Variants in KLRG1 observed in about 807,000 individuals in gnomAD.
KLRG1 encodes killer cell lectin-like receptor subfamily G member 1.
In KLRG1, 16 loss-of-function variants were observed where a neutral mutation model predicts 21.8. The observed-to-expected ratio is 0.73, with a 90% CI of 0.50 to 1.11. The LOEUF (loss-of-function observed/expected upper bound fraction) is 1.11. Ranked by LOEUF, KLRG1 falls within the 50% of genes most tolerant of loss-of-function variation. The pLI is 0.00. For synonymous variants in KLRG1, 69 were observed against 75.9 expected (o/e 0.91, Z 0.47); for missense variants, 173 against 218.3 (o/e 0.79, Z 1.31).
the KLRG1 span, among the ~76,000 whole-genome samples, chr12:9,207,022 G>C: frequency 6.6e-6 from 1 of 152,142 alleles, no homozygotes; most frequent in Non-Finnish European, 1.5e-5. Context: ...GATAGTGGGG[G>C]AGAAATGTAC....
At chr12:9,163,669 T>G in the KLRG1 span, 1 of 1,612,948 alleles carries the variant, frequency 6.2e-7, no homozygotes, top group Non-Finnish European at 8.5e-7. Context: ...ATATGTTACC[T>G]CCACCAACAG....
the KLRG1 span, among the ~76,000 whole-genome samples, chr12:9,090,974 T>A: frequency 6.6e-6 from 1 of 152,204 alleles, no homozygotes; most frequent in Non-Finnish European, 1.5e-5. Context: ...GTCACCCCTG[T>A]CAGAATTCTT....
At chr12:9,063,050 A>T in the KLRG1 span, among the ~76,000 whole-genome samples, 1 of 151,974 alleles carries the variant, frequency 6.6e-6, no homozygotes, top group Non-Finnish European at 1.5e-5. Context: ...ACTAAATAAG[A>T]CCTTTTTTTC....
chr12:9,089,892 G>A, the KLRG1 span: 10 of 1,602,758 alleles, frequency 6.2e-6, no homozygotes, highest in Non-Finnish European at 8.5e-6. Flanking sequence ...TATTATTTAG[G>A]TTTACTTACT....
the KLRG1 span, among the ~76,000 whole-genome samples, chr12:9,198,715 T>C: frequency 6.6e-6 from 1 of 152,164 alleles, no homozygotes; most frequent in East Asian, 1.9e-4. Flanking sequence ...TGGACATTGG[T>C]TTTCTTTCCT....
chr12:9,186,508 C>G, the KLRG1 span, among the ~76,000 whole-genome samples: 1 of 151,906 alleles, frequency 6.6e-6, no homozygotes, highest in Non-Finnish European at 1.5e-5. Context: ...TTTAAGAGAC[C>G]CATCTCACAT....
At chr12:9,022,121 C>G in the KLRG1 span, among the ~76,000 whole-genome samples, 91 of 152,232 alleles carry the variant, frequency 6.0e-4, no homozygotes, top group African/African-American at 2.1e-3. Context: ...GTCTGGGCAA[C>G]ATAGCCAGAC....
At chr12:9,203,866 C>T in the KLRG1 span, 2 of 1,614,144 alleles carry the variant, frequency 1.2e-6, no homozygotes, top group Non-Finnish European at 1.7e-6. Context: ...CTTACAGTCA[C>T]TGTCTCATTC....
chr12:9,066,987 C>A, the KLRG1 span: 1 of 152,104 alleles, frequency 6.6e-6, no homozygotes, highest in Non-Finnish European at 1.5e-5. Flanking sequence ...ATACTTACTG[C>A]AAAGAAAATT....
At chr12:9,002,243 A>T (rs980211112) in intron 3 of KLRG1, among the ~76,000 whole-genome samples, 3 of 152,180 alleles carry the variant, frequency 2.0e-5, no homozygotes, top group African/African-American at 7.2e-5. Context: ...AATAACTTAC[A>T]TACATTCTGT....
At chr12:9,096,442 A>G in the KLRG1 span, among the ~76,000 whole-genome samples, 1 of 152,220 alleles carries the variant, frequency 6.6e-6, no homozygotes, top group Admixed American at 6.5e-5. Context: ...AGCAAAGTTA[A>G]TGGGTGCATG....
the KLRG1 span, among the ~76,000 whole-genome samples, chr12:9,129,427 T>A: frequency 6.6e-6 from 1 of 152,076 alleles, no homozygotes; most frequent in South Asian, 2.1e-4. Flanking sequence ...AAGTAATGTA[T>A]ACTTATTATA....
the KLRG1 span, chr12:9,077,655 C>A: frequency 3.7e-6 from 6 of 1,601,658 alleles, no homozygotes; most frequent in South Asian, 1.1e-5. Context: ...CTCATCCTTG[C>A]AGATATCATA....
chr12:9,178,976 T>C, the KLRG1 span, among the ~76,000 whole-genome samples: 1 of 152,210 alleles, frequency 6.6e-6, no homozygotes, highest in South Asian at 2.1e-4. Flanking sequence ...TATTACGAAT[T>C]TACCAACCAA....
the KLRG1 span, chr12:9,070,472 G>T: frequency 6.3e-7 from 1 of 1,582,034 alleles, no homozygotes; most frequent in Non-Finnish European, 8.7e-7. Context: ...GCAGTCTGGG[G>T]TTATGATAAA....
At chr12:9,059,585 AG>A in the KLRG1 span, among the ~76,000 whole-genome samples, 1 of 152,254 alleles carries the variant, frequency 6.6e-6, no homozygotes, top group Non-Finnish European at 1.5e-5. Flanking sequence ...GATATAAGAA[AG>A]AAAAATAAGC....
chr12:9,205,618 A>G, the KLRG1 span, among the ~76,000 whole-genome samples: 287 of 152,318 alleles, frequency 1.9e-3, no homozygotes, highest in Middle Eastern at 0.031. Flanking sequence ...TCAAAGCTTT[A>G]ATGATTCAGT....
the KLRG1 span, among the ~76,000 whole-genome samples, chr12:9,134,387 C>CT: frequency 2.0e-5 from 3 of 152,054 alleles, no homozygotes; most frequent in African/African-American, 7.2e-5. Context: ...CACCAGGTGT[C>CT]TTTTTTCTTT....
the KLRG1 span, chr12:9,159,995 T>G: frequency 1.9e-6 from 3 of 1,613,984 alleles, no homozygotes; most frequent in Non-Finnish European, 2.5e-6. Context: ...GGAGCCATCT[T>G]GGTGTTTGTA....
Sources: allele counts gnomAD v4.1 joint callset (sites outside exome capture counted in the v4.1 genomes callset), GRCh38; gene constraint gnomAD v4.1.1; transcripts MANE v1.5; gene names NCBI Gene and HGNC (gene_info 2026-07-23, HGNC 2026-07-21).